B4GALT7: variants seen among roughly 807,000 people sequenced by gnomAD.
B4GALT7 encodes beta-1,4-galactosyltransferase 7, also known as UDP-Gal:beta-GlcNAc beta-1,4-galactosyltransferase 7.
B4GALT7 carries 30 observed loss-of-function variants against 33.0 expected under a neutral mutation model. The ratio of observed to expected loss-of-function variants is 0.91; its 90% CI spans 0.68 to 1.23. The LOEUF (loss-of-function observed/expected upper bound fraction) is 1.23, where lower values mean the gene tolerates loss of function less well. Among genes scored for constraint, B4GALT7 ranks in the 50% most tolerant of loss-of-function variants. The pLI, the probability that B4GALT7 is intolerant of heterozygous loss-of-function variation, is 0.00. For missense variants in B4GALT7, 507 were observed against 450.8 expected (o/e 1.12, Z -1.13); for synonymous variants, 213 against 187.2 (o/e 1.14, Z -1.13).
Position 177,608,523 on chromosome 5 carries a change from C to G in B4GALT7, c.640-16C>G. On this transcript the variant is annotated splice_polypyrimidine_tract_variant and intron_variant, in intron 3 of 5. Coordinates refer to ENST00000029410, the MANE Select transcript of B4GALT7 (RefSeq NM_007255.3). This position sits in a 1 kb window ranked among gnomAD's most constrained non-coding sequence, Gnocchi z 4.1. ...CGGGAAGATGGGCCGAGTGACGCTG[C>G]TTGTCTCTGTGTCAGTGCAATGGGA... The G allele has an allele frequency of 6.2e-7, 1 of 1,604,026 alleles. No homozygotes were observed. Among genetic ancestry groups the G allele is most frequent in the Non-Finnish European group, 8.5e-7 (1 of 1,171,856 alleles).
Position 177,607,513 on chromosome 5 carries a change from C to G in B4GALT7, c.625C>G (p.Gln209Glu). ...CGGCGGCATCCTGCTGCTCTCCAAG[C>G]AGCACTACCGGCTGGTGAGGCCCGG... ...YVGGILLLSK[Q>E]HYRLCNGMSN... The change falls in exon 3 of 6, where the codon CAG becomes GAG. Residue 209 changes from glutamine to glutamate, a missense_variant. Physicochemically the swap from Gln to Glu is conservative, Grantham distance 29. Transcript: ENST00000029410. 6.2e-7 allele frequency: 1 copy of G among 1,612,292 alleles called. No homozygotes were observed. Among genetic ancestry groups the G allele is most frequent in the Non-Finnish European group, 8.5e-7 (1 of 1,179,992 alleles).
Position 177,607,914 on chromosome 5 carries a change from C to T in B4GALT7, c.639+387C>T, listed in dbSNP as rs1027388736. On this transcript the variant is annotated intron_variant, in intron 3 of 5. Coordinates refer to ENST00000029410, the MANE Select transcript of B4GALT7 (RefSeq NM_007255.3). ...CTGCAGTCTGTATCCATCTAGGCCC[C>T]GGGCTGGTGGGAGATGGGGCCCTTC... 11 of 306,902 alleles carry T rather than the reference C, an allele frequency of 3.6e-5. No homozygotes were observed. In the Admixed American group the frequency reaches 4.2e-4, roughly 12 times the overall value. The allele number at this position is 306,902 out of a possible 1,614,324, so 19.0% of individuals were successfully genotyped here.
At chr5:177,604,015 TG>T in intron 1 of B4GALT7, 163 bp from the exon 2 acceptor site, 1 of 1,021,754 alleles carries the variant, frequency 9.8e-7, no homozygotes, top group Non-Finnish European at 1.4e-6. Context: ...TTCGGATGCA[TG>T]GTAGTGGCAT....
intron 2 of B4GALT7, among the ~76,000 whole-genome samples, chr5:177,605,385 G>C (rs544746491): frequency 6.6e-6 from 1 of 152,380 alleles, no homozygotes; most frequent in Admixed American, 6.5e-5. Context: ...CTGCCAGGAA[G>C]GCCCTCTGCC....
Position 177,604,211 on chromosome 5 carries a change from AGTGTTCC to A in B4GALT7, c.86_92del (p.Cys29SerfsTer89). On this transcript the variant is annotated frameshift_variant, in exon 2 of 6. Transcript: ENST00000029410. LOFTEE classifies it high-confidence loss of function. ...TTGCTCTCCGGCGGCCTCCCTCGGA[AGTGTTCC>A]GTCTTCCACCTGTTCGTGGCCTGCC... is the stretch of plus-strand genomic sequence containing the variant. 6.2e-7 allele frequency: 1 copy of A among 1,613,566 alleles called. No homozygotes were observed. Among genetic ancestry groups the A allele is most frequent in the Non-Finnish European group, 8.5e-7 (1 of 1,179,912 alleles).
chr5:177,603,116 C>G (rs764434020), intron 1 of B4GALT7: 2 of 699,990 alleles, frequency 2.9e-6, no homozygotes, highest in Non-Finnish European at 3.5e-6. Context: ...CTCCTGACCT[C>G]GTGATGCACC....
In B4GALT7 at chr5:177,600,320, C is replaced by A; in HGVS notation, c.50+60C>A. The A allele has an allele frequency of 8.0e-7, 1 of 1,245,998 alleles. No homozygotes were observed. The highest frequency in any genetic ancestry group is 2.6e-5 in the South Asian group (1 of 38,884). The allele number at this position is 1,245,998 out of a possible 1,614,324, so 77.2% of individuals were successfully genotyped here. ...CCGGGCGCCGCTCCCTTCTCGGCCG[C>A]CGGCGGAATCTGGGAACCCGAGGCC... On this transcript the variant is annotated intron_variant, in intron 1 of 5. Coordinates refer to ENST00000029410, the MANE Select transcript of B4GALT7 (RefSeq NM_007255.3). The surrounding 1 kb of genome is among the most constrained non-coding windows in gnomAD (Gnocchi z 4.4).
chr5:177,604,292 GGGACGT>G lies in B4GALT7; in HGVS notation c.167_172del (p.Asp56_Val57del). The G allele has an allele frequency of 6.2e-7, 1 of 1,612,288 alleles. No individual in the cohort carries two copies. The highest frequency in any genetic ancestry group is 8.5e-7 in the Non-Finnish European group (1 of 1,179,236). The stretch of plus-strand genomic sequence containing the variant: ...CTCTGGCTGCAGCTCAGCTGCTCTG[GGGACGT>G]GGCCCGGGCAGTCAGGGGACAAGGG... On this transcript the variant is annotated inframe_deletion, in exon 2 of 6. Transcript: ENST00000029410.
chr5:177,604,984 C>T (rs1241523849), intron 2 of B4GALT7: 6 of 456,530 alleles, frequency 1.3e-5, no homozygotes, highest in Admixed American at 1.2e-4. Flanking sequence ...CCAAAAAGTG[C>T]TCCCTTCCAT....
Position 177,606,708 on chromosome 5 carries a change from C to T in B4GALT7, c.414-594C>T, listed in dbSNP as rs1175656756. 2 of 206,010 alleles carry T rather than the reference C, an allele frequency of 9.7e-6. No homozygotes were observed. The highest frequency in any genetic ancestry group is 1.7e-4 in the South Asian group (2 of 11,590). The allele number at this position is 206,010 out of a possible 1,614,324, so 12.8% of individuals were successfully genotyped here. A position where few individuals can be genotyped will look rare whatever the true frequency, so the allele number is the denominator to read the frequency against. ...ACCCATCTTACCCGAGTCAAAGCCCCGTCCTTCAGTGGCCCTTGGGCCTTG... is the reference window on the plus strand; with the variant it reads ...ACCCATCTTACCCGAGTCAAAGCCCTGTCCTTCAGTGGCCCTTGGGCCTTG... On this transcript the variant is annotated intron_variant, in intron 2 of 5. Transcript: ENST00000029410. This position sits in a 1 kb window ranked among gnomAD's most constrained non-coding sequence, Gnocchi z 4.2.
Position 177,606,980 on chromosome 5 carries a change from T to C in B4GALT7, c.414-322T>C. ...CCCCAGCAAGATCGCCCTCCTTGCCTGCTTTGCTTTTCCCCCCAGCACGAA... is the reference window on the plus strand; with the variant it reads ...CCCCAGCAAGATCGCCCTCCTTGCCCGCTTTGCTTTTCCCCCCAGCACGAA... On this transcript the variant is annotated intron_variant, in intron 2 of 5. Coordinates refer to ENST00000029410, the MANE Select transcript of B4GALT7 (RefSeq NM_007255.3). This position sits in a 1 kb window ranked among gnomAD's most constrained non-coding sequence, Gnocchi z 4.2. 1 of 428,818 alleles carries C rather than the reference T, an allele frequency of 2.3e-6. No homozygotes were observed. The highest frequency in any genetic ancestry group is 2.0e-5 in the African/African-American group (1 of 49,734). The allele number at this position is 428,818 out of a possible 1,614,324, so 26.6% of individuals were successfully genotyped here.
chr5:177,607,263 C>T (rs557322630), intron 2 of B4GALT7, 39 bp from the exon 3 acceptor site: 20 of 1,546,056 alleles, frequency 1.3e-5, no homozygotes, highest in Middle Eastern at 1.7e-4. Flanking sequence ...GCAGTGAGCC[C>T]GTGTGCTGCC....
chr5:177,603,259 TG>T, intron 1 of B4GALT7: 1 of 985,346 alleles, frequency 1.0e-6, no homozygotes, highest in South Asian at 4.7e-5. Flanking sequence ...CAGATTACTT[TG>T]GGGAGAAGGT....
chr5:177,609,775 G>C lies in B4GALT7; in HGVS notation c.*80G>C. ...GACAAGGCCTCAGGTCGTGGGCCCA[G>C]CTCTGACAGGATGTGGAGTGGCCAG... On this transcript the variant is annotated 3_prime_UTR_variant, in exon 6 of 6. Coordinates refer to ENST00000029410, the MANE Select transcript of B4GALT7 (RefSeq NM_007255.3). 1 of 1,527,414 alleles carries C rather than the reference G, an allele frequency of 6.5e-7. No homozygotes were observed. 94.6% of individuals were successfully genotyped at this position (1,527,414 alleles called of 1,614,324 possible). A position where few individuals can be genotyped will look rare whatever the true frequency, so the allele number is the denominator to read the frequency against.
Position 177,607,450 on chromosome 5 carries a change from C to T in B4GALT7, c.562C>T (p.Pro188Ser). Residue 188 changes from proline (P) to serine (S), a missense_variant, in exon 3 of 6, where the codon CCG (proline) becomes TCG (serine). By Grantham distance (74) the Pro-to-Ser change is moderately conservative (BLOSUM62 -1). Transcript: ENST00000029410. ...GGCTGGGCCCTTCCACGTGGCCTCC[C>T]CGGAGCTCCACCCTCTCTACCACTA... ...PEAGPFHVASPELHPLYHYKT... is the reference protein window; with the variant it reads ...PEAGPFHVASSELHPLYHYKT... The T allele has an allele frequency of 6.2e-7, 1 of 1,613,906 alleles. No individual in the cohort carries two copies. The highest frequency in any genetic ancestry group is 1.3e-5 in the African/African-American group (1 of 75,062).
At chr5:177,607,079 G>A (rs181530238) in intron 2 of B4GALT7, 97 of 614,576 alleles carry the variant, frequency 1.6e-4, no homozygotes, top group Middle Eastern at 4.3e-4. Context: ...TGAGAACAGG[G>A]CCTGGTTTTT....
In B4GALT7 at chr5:177,600,185, C is replaced by G; in HGVS notation, c.-26C>G. 7.5e-7 allele frequency: 1 copy of G among 1,342,090 alleles called. No individual in the cohort carries two copies. The highest frequency in any genetic ancestry group is 9.6e-7 in the Non-Finnish European group (1 of 1,040,858). The allele number at this position is 1,342,090 out of a possible 1,614,324, so 83.1% of individuals were successfully genotyped here. ...GGCCGGCCGGGCTGCGAGCGCCTGCCCCATGCGCCGCCGCCTCTCCGCACG... is the reference window on the plus strand; with the variant it reads ...GGCCGGCCGGGCTGCGAGCGCCTGCGCCATGCGCCGCCGCCTCTCCGCACG... On this transcript the variant is annotated 5_prime_UTR_variant, in exon 1 of 6. Transcript: ENST00000029410. The surrounding 1 kb of genome is among the most constrained non-coding windows in gnomAD (Gnocchi z 4.4).
Position 177,604,336 on chromosome 5 carries a change from G to A in B4GALT7, c.208G>A (p.Gly70Ser). Residue 70 changes from glycine (G) to serine (S), a missense_variant, in exon 2 of 6, where the codon GGC becomes AGC. By Grantham distance (56) the Gly-to-Ser change is moderately conservative. Coordinates refer to ENST00000029410, the MANE Select transcript of B4GALT7 (RefSeq NM_007255.3). Reference protein sequence around the residue: ...AVRGQGQETSGPPRACPPEPP... With the variant: ...AVRGQGQETSSPPRACPPEPP... ...CAGGGGACAAGGGCAGGAGACCTCGGGCCCTCCCCGTGCCTGCCCCCCAGA... is the reference window on the plus strand; with the variant it reads ...CAGGGGACAAGGGCAGGAGACCTCGAGCCCTCCCCGTGCCTGCCCCCCAGA... 12 of 1,610,860 alleles carry A rather than the reference G, an allele frequency of 7.4e-6. No homozygotes were observed. The highest frequency in any genetic ancestry group is 1.0e-5 in the Non-Finnish European group (12 of 1,178,616).
rs1414482148 is a variant in B4GALT7 at position 177,600,156 on chromosome 5, G to A, written c.-55G>A. 2 of 1,208,068 alleles carry A rather than the reference G, an allele frequency of 1.7e-6. No individual in the cohort carries two copies. Among genetic ancestry groups the A allele is most frequent in the Non-Finnish European group, 2.1e-6 (2 of 968,726 alleles). 74.8% of individuals were successfully genotyped at this position (1,208,068 alleles called of 1,614,324 possible). On this transcript the variant is annotated 5_prime_UTR_variant, in exon 1 of 6. Transcript: ENST00000029410. The surrounding 1 kb of genome is among the most constrained non-coding windows in gnomAD (Gnocchi z 4.4). ...CGGAGGCGCCGCGTAGGCCCGGGAG[G>A]CCGGGCCGGCCGGGCTGCGAGCGCC...
Sources: allele counts gnomAD v4.1 joint callset (sites outside exome capture counted in the v4.1 genomes callset), GRCh38; gene constraint gnomAD v4.1.1; non-coding constraint Gnocchi (gnomAD v3.1); transcripts MANE v1.5; gene names NCBI Gene and HGNC (gene_info 2026-07-23, HGNC 2026-07-21).